The following DLG5 variants were observed in gnomAD, a reference collection of about 807,000 sequenced individuals.
The protein encoded by DLG5 is discs large MAGUK scaffold protein 5.
A neutral mutation model predicts 189.8 loss-of-function variants in DLG5; 48 were observed. The observed-to-expected ratio is 0.25, with a 90% CI of 0.20 to 0.32. The LOEUF is 0.32. Ranked by LOEUF, DLG5 falls within the 10% of genes least tolerant of loss-of-function variation. The pLI is 1.00. For synonymous variants in DLG5, 1,016 were observed against 1,054.1 expected, an observed-to-expected ratio of 0.96 and a Z score of 0.70; for missense variants, 2,160 against 2,544.7, an observed-to-expected ratio of 0.85 and a Z score of 3.25.
At position 77,811,225 on chromosome 10, in the gene DLG5, C is replaced by G. The variant is rs1841755595; in HGVS notation, c.4332G>C (p.Leu1444=). The part of the protein sequence containing the change: ...LSSHSRSSSH[L]DPAGTHSTLQ... ...GAGTGGAGTGGGTACCGGCAGGGTC[C>G]AGGTGTGAGCTGGAGGCGGAGGACA... The change falls in exon 23 of 32, where the codon CTG becomes CTC. Residue 1444 remains leucine (L), a synonymous_variant. Transcript: ENST00000372391. 6.2e-7 allele frequency: 1 copy of G among 1,612,892 alleles called. No homozygotes were observed. The highest frequency in any genetic ancestry group is 2.2e-5 in the East Asian group (1 of 44,842).
At chr10:77,813,876 C>A (rs1480378124) in intron 20 of DLG5, among the ~76,000 whole-genome samples, 1 of 152,214 alleles carries the variant, frequency 6.6e-6, no homozygotes, top group Non-Finnish European at 1.5e-5. Flanking sequence ...CATCTGCAAA[C>A]AAAAGTATGT....
At chr10:77,812,498 C>A in intron 20 of DLG5, 121 bp from the exon 21 acceptor site, 1 of 1,146,286 alleles carries the variant, frequency 8.7e-7, no homozygotes, top group Non-Finnish European at 1.2e-6. Flanking sequence ...CTGGATGCTC[C>A]CATTGTGACA....
chr10:77,865,336 G>A (rs1844631691), intron 2 of DLG5, among the ~76,000 whole-genome samples: 1 of 152,098 alleles, frequency 6.6e-6, no homozygotes, highest in Non-Finnish European at 1.5e-5. Context: ...AGGTCACAGG[G>A]CGTCAGTGGC....
At position 77,828,971 on chromosome 10, in the gene DLG5, G is replaced by A; in HGVS notation, c.2200C>T (p.Leu734=). The A allele has an allele frequency of 6.2e-7, 1 of 1,614,000 alleles. No homozygotes were observed. Among genetic ancestry groups the A allele is most frequent in the Non-Finnish European group, 8.5e-7 (1 of 1,180,004 alleles). Residue 734 remains leucine, a synonymous_variant, in exon 13 of 32, where the codon CTG becomes TTG. Coordinates refer to ENST00000372391, the MANE Select transcript of DLG5 (RefSeq NM_004747.4). The part of the protein sequence containing the change: ...LSGQKDSGIS[L]ENGVYAAAVL... ...GCGGCAGCATACACTCCATTCTCCA[G>A]ACTGATGCCACTGTCTGCAAGCCAC...
chr10:77,806,610 G>A (rs965671291), intron 26 of DLG5, 148 bp downstream of exon 26: 4 of 1,151,176 alleles, frequency 3.5e-6, no homozygotes, highest in African/African-American at 3.1e-5. Flanking sequence ...AGCACTTTTG[G>A]CAAAATGTAG....
At chr10:77,843,851 G>C in intron 5 of DLG5, 145 bp from the exon 6 acceptor site, 1 of 981,572 alleles carries the variant, frequency 1.0e-6, no homozygotes, top group Non-Finnish European at 1.5e-6. Flanking sequence ...TGAGAGTCTT[G>C]AGGTCCAATT....
At position 77,835,898 on chromosome 10, in the gene DLG5, C is replaced by T; in HGVS notation, c.1462G>A (p.Ala488Thr). 6.2e-7 allele frequency: 1 copy of T among 1,613,406 alleles called. No individual in the cohort carries two copies. The highest frequency in any genetic ancestry group is 8.5e-7 in the Non-Finnish European group (1 of 1,179,456). The change falls in exon 8 of 32, where the codon GCT becomes ACT. Residue 488 changes from alanine (A) to threonine (T), a missense_variant. Physicochemically the swap from Ala to Thr is moderately conservative, Grantham distance 58 (BLOSUM62 0). Transcript: ENST00000372391. The part of the protein sequence containing the change: ...RQIKDTVTMD[A>T]GRANKEVEIL... ...TCAACCTCCTTGTTGGCTCTCCCAG[C>T]ATCCATTGTCACCGTGTCTTTGATC...
intron 1 of DLG5, among the ~76,000 whole-genome samples, chr10:77,893,664 G>A (rs1376093270): frequency 1.3e-5 from 2 of 152,218 alleles, no homozygotes; most frequent in Admixed American, 6.5e-5. Context: ...GGACGGTCCC[G>A]TGCTTGGGGG....
At position 77,819,878 on chromosome 10, in the gene DLG5, C is replaced by G; in HGVS notation, c.3526+17G>C. On this transcript the variant is annotated intron_variant, in intron 16 of 31. Coordinates refer to ENST00000372391, the MANE Select transcript of DLG5 (RefSeq NM_004747.4). ...TTACACCGACCCTCAGCCCCAGCCC[C>G]TGGCTGGCTGACTCACCCACAGACG... is the stretch of plus-strand genomic sequence containing the variant. 2 of 1,541,090 alleles carry G rather than the reference C, an allele frequency of 1.3e-6. No individual in the cohort carries two copies. The highest frequency in any genetic ancestry group is 8.7e-7 in the Non-Finnish European group (1 of 1,147,134).
chr10:77,850,433 T>C (rs1843911102), intron 5 of DLG5, among the ~76,000 whole-genome samples: 1 of 152,250 alleles, frequency 6.6e-6, no homozygotes, highest in Non-Finnish European at 1.5e-5. Context: ...ACATTTTATT[T>C]ATCCATTCAT....
At chr10:77,871,550 T>TTTC (rs1564566043) in intron 1 of DLG5, among the ~76,000 whole-genome samples, 1 of 142,244 alleles carries the variant, frequency 7.0e-6, no homozygotes, top group African/African-American at 2.6e-5. Flanking sequence ...TTTTTTTTTT[T>TTTC]TTTTTTTTTT....
At chr10:77,864,252 T>C (rs1320343151) in intron 2 of DLG5, among the ~76,000 whole-genome samples, 1 of 152,156 alleles carries the variant, frequency 6.6e-6, no homozygotes, top group Non-Finnish European at 1.5e-5. Context: ...GCTGGGCAGG[T>C]CTCACCTTTG....
At chr10:77,885,743 T>C (rs185208325) in intron 1 of DLG5, among the ~76,000 whole-genome samples, 30 of 152,314 alleles carry the variant, frequency 2.0e-4, no homozygotes, top group African/African-American at 7.2e-4. Context: ...CTGCATTTTC[T>C]AGTCAGACTT....
intron 2 of DLG5, chr10:77,868,092 CCTCA>C (rs1365443339): frequency 4.4e-6 from 2 of 456,356 alleles, no homozygotes; most frequent in African/African-American, 2.0e-5. Flanking sequence ...GCCTGCGTGG[CCTCA>C]CTGACACTTT....
intron 1 of DLG5, among the ~76,000 whole-genome samples, chr10:77,901,715 G>C (rs1479740665): frequency 6.6e-6 from 1 of 152,174 alleles, no homozygotes; most frequent in Non-Finnish European, 1.5e-5. Context: ...GCTCCTCTTT[G>C]CTGACCTGGA....
At chr10:77,822,420 C>G (rs1021195849) in intron 14 of DLG5, among the ~76,000 whole-genome samples, 1 of 152,052 alleles carries the variant, frequency 6.6e-6, no homozygotes, top group East Asian at 1.9e-4. Flanking sequence ...CTGAGGCAGG[C>G]GGGTCACGAG....
chr10:77,849,789 G>T (rs1027949625), intron 5 of DLG5, among the ~76,000 whole-genome samples: 1 of 152,238 alleles, frequency 6.6e-6, no homozygotes, highest in Non-Finnish European at 1.5e-5. Context: ...AGCTGAGCAG[G>T]TGCTCAAGAA....
At chr10:77,810,981 G>A in intron 23 of DLG5, 113 bp downstream of exon 23, 1 of 1,343,922 alleles carries the variant, frequency 7.4e-7, no homozygotes, top group African/African-American at 1.5e-5. Flanking sequence ...GACCTGGTGT[G>A]CGGCCTGCAG....
intron 24 of DLG5, among the ~76,000 whole-genome samples, chr10:77,808,572 T>G: frequency 6.6e-6 from 1 of 152,186 alleles, no homozygotes; most frequent in Non-Finnish European, 1.5e-5. Flanking sequence ...GCCCAACTTG[T>G]GCCTTTATAT....
Sources: gnomAD v4.1 joint callset for allele counts (sites outside exome capture counted in the v4.1 genomes callset) on GRCh38, gnomAD v4.1.1 for gene constraint, MANE v1.5 for transcripts, NCBI Gene and HGNC (gene_info 2026-07-23, HGNC 2026-07-21) for gene names.